AMTN: variants seen among roughly 807,000 people sequenced by gnomAD.
The protein encoded by AMTN is RSTI689.
In AMTN, 29 loss-of-function variants were observed where a neutral mutation model predicts 27.4. The ratio of observed to expected loss-of-function variants is 1.06; its 90% confidence interval spans 0.79 to 1.44. The LOEUF is 1.44. AMTN is among the 40% of genes most tolerant of loss of function. The pLI is 0.00. For synonymous variants in AMTN, 86 were observed against 95.7 expected, an observed-to-expected ratio of 0.90 and a Z score of 0.59; for missense variants, 247 against 248.8, an observed-to-expected ratio of 0.99 and a Z score of 0.05.
At chr4:70,519,432 T>C (rs1359501806) in intron 2 of AMTN, among the ~76,000 whole-genome samples, 1 of 152,154 alleles carries the variant, frequency 6.6e-6, no homozygotes, top group Non-Finnish European at 1.5e-5. Context: ...GATCTCTAGG[T>C]GGACTTCTCT....
chr4:70,522,606 C>A, intron 2 of AMTN, 149 bp from the exon 3 acceptor site: 1 of 778,794 alleles, frequency 1.3e-6, no homozygotes, highest in East Asian at 2.5e-5. Context: ...TCCTACCATG[C>A]ACATAATGTT....
At chr4:70,527,787 C>A (rs1226528172) in intron 5 of AMTN, among the ~76,000 whole-genome samples, 1 of 152,198 alleles carries the variant, frequency 6.6e-6, no homozygotes, top group Non-Finnish European at 1.5e-5. Flanking sequence ...GGCCGGTTCT[C>A]AAAGTAGCAG....
At chr4:70,525,008 C>A (rs776902852) in intron 5 of AMTN, 47 bp downstream of exon 5, 10 of 1,558,728 alleles carry the variant, frequency 6.4e-6, no homozygotes, top group Non-Finnish European at 7.9e-6. Flanking sequence ...AGAGCATTTT[C>A]TCTCAGGTGA....
chr4:70,531,326 C>G, intron 8 of AMTN, 26 bp downstream of exon 8: 1 of 1,611,320 alleles, frequency 6.2e-7, no homozygotes, highest in Non-Finnish European at 8.5e-7. Context: ...TTGGAACATG[C>G]TTCTTGGCTA....
intron 5 of AMTN, among the ~76,000 whole-genome samples, chr4:70,525,808 G>A (rs1736089395): frequency 6.6e-6 from 1 of 152,154 alleles, no homozygotes; most frequent in Non-Finnish European, 1.5e-5. Context: ...GCTGAGGTGG[G>A]AGGATCACTT....
intron 8 of AMTN, 56 bp downstream of exon 8, chr4:70,531,356 G>A: frequency 6.3e-7 from 1 of 1,597,984 alleles, no homozygotes; most frequent in Non-Finnish European, 8.6e-7. Context: ...TCTGCAGAAT[G>A]GAAAAGAGGA....
At position 70,518,657 on chromosome 4, in the gene AMTN, A is replaced by G; in HGVS notation, c.-16+3A>G. 1.3e-6 allele frequency: 1 copy of G among 792,486 alleles called. No individual in the cohort carries two copies. Among genetic ancestry groups the G allele is most frequent in the South Asian group, 1.6e-5 (1 of 64,166 alleles). The allele number at this position is 792,486 out of a possible 1,614,324, so 49.1% of individuals were successfully genotyped here. On this transcript the variant is annotated splice_donor_region_variant and intron_variant, in intron 1 of 8. Transcript: ENST00000339336. The stretch of plus-strand genomic sequence containing the variant: ...CATTTTGCCTCGTGGACCCAAAGGT[A>G]ACATTAATTGACCATGTTTCAAGTA...
In AMTN at chr4:70,531,031, C is replaced by T. The variant is rs1258400178; in HGVS notation, c.358-8C>T. ...AACTTTGTTTTCTGTTTGCTTCCCTCATTCCAGCCACAAATCTTCACGAGC... is the reference window on the plus strand; with the variant it reads ...AACTTTGTTTTCTGTTTGCTTCCCTTATTCCAGCCACAAATCTTCACGAGC... On this transcript the variant is annotated splice_region_variant and splice_polypyrimidine_tract_variant and intron_variant, in intron 7 of 8. Transcript: ENST00000339336. 1.9e-6 allele frequency: 3 copies of T among 1,613,132 alleles called. No individual in the cohort carries two copies. In the African/African-American group the frequency reaches 4.0e-5, roughly 22 times the overall value.
chr4:70,528,321 AT>A (rs1292657792), intron 5 of AMTN, among the ~76,000 whole-genome samples: 1 of 152,202 alleles, frequency 6.6e-6, no homozygotes, highest in Non-Finnish European at 1.5e-5. Context: ...TACATTAGTA[AT>A]AAATATCTGT....
rs565640919 is a variant in AMTN at position 70,522,728 on chromosome 4, T to G, written c.55-27T>G. 17 of 1,609,898 alleles carry G rather than the reference T, an allele frequency of 1.1e-5. 1 individual carries two copies. The South Asian group carries it at 1.6e-4, about 16-fold the overall frequency. ...AAATCTTAAACACATTCCTGCCTCA[T>G]CAAATATGTATTTGTTTTCACAAAA... On this transcript the variant is annotated intron_variant, in intron 2 of 8. Transcript: ENST00000339336.
chr4:70,526,886 C>T lies in AMTN; in HGVS notation c.295-1837C>T, dbSNP rs376586051. On this transcript the variant is annotated intron_variant, in intron 5 of 8. Coordinates refer to ENST00000339336, the MANE Select transcript of AMTN (RefSeq NM_212557.4). The stretch of plus-strand genomic sequence containing the variant: ...TGTGCTACCACCAAGGGTTCCCATA[C>T]CTGACCTTCCCCTGGGCAGCTCTAG... Among the ~76,000 whole-genome samples the T allele has an allele frequency of 1.8e-4, 27 of 152,304 alleles. No homozygotes were observed. In the South Asian group the frequency reaches 5.4e-3, roughly 30 times the overall value.
In AMTN at chr4:70,518,751, T is replaced by C; in HGVS notation, c.-15-12T>C. The C allele has an allele frequency of 1.3e-6, 2 of 1,549,206 alleles. No individual in the cohort carries two copies. Among genetic ancestry groups the C allele is most frequent in the Non-Finnish European group, 1.8e-6 (2 of 1,121,516 alleles). ...AAATACATGGAAGAGTAACACTTTTTTGTTGTTGTAGGTAGCAATCTGAAA... is the reference window on the plus strand; with the variant it reads ...AAATACATGGAAGAGTAACACTTTTCTGTTGTTGTAGGTAGCAATCTGAAA... On this transcript the variant is annotated splice_polypyrimidine_tract_variant and intron_variant, in intron 1 of 8. Coordinates refer to ENST00000339336, the MANE Select transcript of AMTN (RefSeq NM_212557.4).
chr4:70,526,913 C>T (rs924781687), intron 5 of AMTN, among the ~76,000 whole-genome samples: 24 of 152,198 alleles, frequency 1.6e-4, no homozygotes, highest in Non-Finnish European at 4.4e-5. Context: ...CAGCTCTAGT[C>T]CCTCCAACCC....
At chr4:70,527,802 T>A (rs1320236543) in intron 5 of AMTN, among the ~76,000 whole-genome samples, 1 of 152,218 alleles carries the variant, frequency 6.6e-6, no homozygotes, top group Non-Finnish European at 1.5e-5. Flanking sequence ...TAGCAGAGTA[T>A]GGGAGAATGC....
rs1198101879 is a variant in AMTN at position 70,531,203 on chromosome 4, T to A, written c.522T>A (p.Thr174=). ...GAACCCCAGCAGGCCGCCTCCCAAC[T>A]CCCAGTGGCACAGATGACGACTTTG... ...TQGTPAGRLP[T]PSGTDDDFAV... is the part of the protein sequence containing the mutation. The change falls in exon 8 of 9, where the codon ACT becomes ACA. Residue 174 remains threonine (T), a synonymous_variant. Transcript: ENST00000339336. The A allele has an allele frequency of 1.9e-6, 3 of 1,613,732 alleles. No individual in the cohort carries two copies. The highest frequency in any genetic ancestry group is 2.5e-6 in the Non-Finnish European group (3 of 1,179,958).
Position 70,531,100 on chromosome 4 carries a change from G to C in AMTN, c.419G>C (p.Ser140Thr), listed in dbSNP as rs746511855. Residue 140 changes from serine (S) to threonine (T), a missense_variant, in exon 8 of 9, where the codon AGT (serine) becomes ACT (threonine). Transcript: ENST00000339336. Reference protein sequence around the residue: ...SLFPGGILPTSQAGANPDVQD... With the variant: ...SLFPGGILPTTQAGANPDVQD... ...TTCCCGGGAGGCATCCTGCCCACCA[G>C]TCAGGCAGGGGCTAATCCAGATGTC... The C allele has an allele frequency of 6.2e-7, 1 of 1,614,058 alleles. No individual in the cohort carries two copies. The highest frequency in any genetic ancestry group is 1.1e-5 in the South Asian group (1 of 91,080).
In AMTN at chr4:70,521,640, C is replaced by CTTTTTTTTTTTTTTTT. The variant is rs763143860; in HGVS notation, c.55-1094_55-1079dup. Among the ~76,000 whole-genome samples, 48 of 76,486 alleles carry CTTTTTTTTTTTTTTTT rather than the reference C, an allele frequency of 6.3e-4. 9 individuals are homozygous for CTTTTTTTTTTTTTTTT. Among genetic ancestry groups the CTTTTTTTTTTTTTTTT allele is most frequent in the South Asian group, 2.3e-3 (4 of 1,774 alleles). 50.2% of individuals were successfully genotyped at this position (76,486 alleles called of 152,430 possible). A position where few individuals can be genotyped will look rare whatever the true frequency, so the allele number is the denominator to read the frequency against. ...CCTAGAACAGATAATACCAACCTCT[C>CTTTTTTTTTTTTTTTT]TTTTTTTTTTTTTTTTTTTTTTTTT... On this transcript the variant is annotated intron_variant, in intron 2 of 8. Coordinates refer to ENST00000339336, the MANE Select transcript of AMTN (RefSeq NM_212557.4).
chr4:70,528,016 C>G (rs758518255), intron 5 of AMTN, among the ~76,000 whole-genome samples: 9 of 152,150 alleles, frequency 5.9e-5, no homozygotes, highest in Non-Finnish European at 1.0e-4. Flanking sequence ...ATATATACCT[C>G]AAGAAATCTT....
intron 5 of AMTN, among the ~76,000 whole-genome samples, chr4:70,527,519 GAGA>G (rs1736125583): frequency 1.3e-5 from 2 of 152,158 alleles, no homozygotes; most frequent in South Asian, 4.1e-4. Context: ...TTTGTCAGTA[GAGA>G]AGGACCTGAT....
Sources: gnomAD v4.1 joint callset for allele counts (sites outside exome capture counted in the v4.1 genomes callset) on GRCh38, gnomAD v4.1.1 for gene constraint, MANE v1.5 for transcripts, NCBI Gene and HGNC (gene_info 2026-07-23, HGNC 2026-07-21) for gene names.